The following CTNNA2 variants were observed in gnomAD, a reference collection of about 807,000 sequenced individuals.
CTNNA2 encodes catenin alpha-2.
In CTNNA2, 42 loss-of-function variants were observed where a neutral mutation model predicts 101.0. That is an observed-to-expected ratio of 0.42 (90% confidence interval 0.32 to 0.54). The LOEUF (loss-of-function observed/expected upper bound fraction) is 0.54, where lower values mean the gene tolerates loss of function less well. CTNNA2 is among the 20% of genes least tolerant of loss of function. The pLI is 0.14. For synonymous variants in CTNNA2, 450 were observed against 456.4 expected (o/e 0.99, Z 0.18); for missense variants, 871 against 1,223.1 (o/e 0.71, Z 4.29).
chr2:79,751,140 C>T (rs541735909), intron 3 of CTNNA2, among the ~76,000 whole-genome samples: 3 of 152,058 alleles, frequency 2.0e-5, no homozygotes, highest in South Asian at 2.1e-4. Context: ...TAAAAATTTT[C>T]GAAGACCAGT....
intron 4 of CTNNA2, among the ~76,000 whole-genome samples, chr2:79,436,584 G>A (rs72919189): frequency 0.034 from 5,176 of 151,970 alleles, 287 homozygotes; most frequent in African/African-American, 0.12. Flanking sequence ...CTAATGTGTA[G>A]TCAGCTCTGG....
intron 4 of CTNNA2, among the ~76,000 whole-genome samples, chr2:79,489,646 G>A (rs1671190726): frequency 6.6e-6 from 1 of 152,142 alleles, no homozygotes; most frequent in African/African-American, 2.4e-5. Context: ...TCTACCCCAA[G>A]GAGGCAGACC....
intron 7 of CTNNA2, among the ~76,000 whole-genome samples, chr2:80,246,144 G>A (rs1358351979): frequency 6.6e-6 from 1 of 152,040 alleles, no homozygotes; most frequent in Non-Finnish European, 1.5e-5. Flanking sequence ...AGTAGATTGG[G>A]CACTCCTTCA....
In CTNNA2 at chr2:80,526,116, G is replaced by A. The variant is rs530724738; in HGVS notation, c.1291-18866G>A. On this transcript the variant is annotated intron_variant, in intron 9 of 18. Coordinates refer to ENST00000402739, the MANE Select transcript of CTNNA2 (RefSeq NM_001282597.3). Reference sequence around the variant, plus strand: ...TCTCTAGAATGTGCTTTGAAGTTAGGCCACTATAGTTCAAACCTGCATTTT... The same window carrying A: ...TCTCTAGAATGTGCTTTGAAGTTAGACCACTATAGTTCAAACCTGCATTTT... 2.1e-3 allele frequency among the ~76,000 whole-genome samples: 318 copies of A among 152,202 alleles called. 1 individual carries two copies. The highest frequency in any genetic ancestry group is 7.2e-3 in the African/African-American group (298 of 41,550).
At chr2:79,751,970 T>C (rs1035637117) in intron 3 of CTNNA2, among the ~76,000 whole-genome samples, 2 of 152,126 alleles carry the variant, frequency 1.3e-5, no homozygotes, top group African/African-American at 4.8e-5. Context: ...CTTTTTCAAC[T>C]TACTGAAGGG....
chr2:80,578,575 A>G (rs1695262888), intron 13 of CTNNA2, among the ~76,000 whole-genome samples: 1 of 152,216 alleles, frequency 6.6e-6, no homozygotes, highest in African/African-American at 2.4e-5. Flanking sequence ...CAAACTGCAC[A>G]TGCACAGAAC....
Position 80,051,305 on chromosome 2 carries a change from A to G in CTNNA2, c.1056+141508A>G, listed in dbSNP as rs552389584. On this transcript the variant is annotated intron_variant, in intron 7 of 18. Transcript: ENST00000402739. Reference sequence around the variant, plus strand: ...ACGTCATTCACATAATGGTGCATCCAATTCTTCTTTTCTGAATTCTGTTGT... The same window carrying G: ...ACGTCATTCACATAATGGTGCATCCGATTCTTCTTTTCTGAATTCTGTTGT... Among the ~76,000 whole-genome samples, 55 of 152,170 alleles carry G rather than the reference A, an allele frequency of 3.6e-4. 1 individual carries two copies. Among genetic ancestry groups the G allele is most frequent in the Non-Finnish European group, 7.4e-4 (50 of 68,016 alleles).
At chr2:79,405,101 A>G (rs1469472456) in intron 4 of CTNNA2, among the ~76,000 whole-genome samples, 4 of 152,052 alleles carry the variant, frequency 2.6e-5, no homozygotes, top group Non-Finnish European at 5.9e-5. Flanking sequence ...ACTTTAATCA[A>G]AAGGGAAATT....
chr2:80,359,712 C>A (rs994536943), intron 7 of CTNNA2, among the ~76,000 whole-genome samples: 1 of 152,140 alleles, frequency 6.6e-6, no homozygotes, highest in Admixed American at 6.6e-5. Context: ...TAAACCTCTT[C>A]TCTTTATAAG....
chr2:80,389,398 C>T (rs577478290), intron 7 of CTNNA2, among the ~76,000 whole-genome samples: 1 of 152,184 alleles, frequency 6.6e-6, no homozygotes, highest in South Asian at 2.1e-4. Context: ...TACTAGGAGG[C>T]AAGTCTCCGC....
intron 4 of CTNNA2, among the ~76,000 whole-genome samples, chr2:79,489,852 G>C (rs561694227): frequency 6.6e-6 from 1 of 152,246 alleles, no homozygotes; most frequent in East Asian, 1.9e-4. Flanking sequence ...CCCAGAGTGG[G>C]AATATGTGGA....
chr2:79,961,004 C>T (rs868749578), intron 7 of CTNNA2, among the ~76,000 whole-genome samples: 4 of 152,104 alleles, frequency 2.6e-5, no homozygotes, highest in African/African-American at 9.7e-5. Flanking sequence ...AAAATCAACA[C>T]CATGCCTTTT....
At chr2:79,740,943 T>C (rs1382091095) in intron 2 of CTNNA2, among the ~76,000 whole-genome samples, 2 of 152,056 alleles carry the variant, frequency 1.3e-5, no homozygotes, top group Admixed American at 6.6e-5. Context: ...GGTGTAAATA[T>C]AGGCATAGCT....
chr2:79,861,559 T>C (rs1187609421), intron 4 of CTNNA2, among the ~76,000 whole-genome samples: 1 of 152,192 alleles, frequency 6.6e-6, no homozygotes, highest in African/African-American at 2.4e-5. Flanking sequence ...GTTTAGGAAC[T>C]TAAATTTATA....
At chr2:79,905,992 T>A (rs1574278743) in intron 6 of CTNNA2, among the ~76,000 whole-genome samples, 1 of 152,122 alleles carries the variant, frequency 6.6e-6, no homozygotes, top group African/African-American at 2.4e-5. Context: ...TTCATTTCTG[T>A]TTTTTCCTTA....
rs183570669 is a variant in CTNNA2 at position 80,126,980 on chromosome 2, C to T, written c.1056+217183C>T. Among the ~76,000 whole-genome samples the T allele has an allele frequency of 2.9e-3, 437 of 152,234 alleles. 3 individuals are homozygous for T. The highest frequency in any genetic ancestry group is 0.01 in the African/African-American group (422 of 41,540). Reference sequence around the variant, plus strand: ...TCCTTCAGCTCTTCTCCTTTAAATACGGCTCTTAGTCACAAGTGTGGGTTG... The same window carrying T: ...TCCTTCAGCTCTTCTCCTTTAAATATGGCTCTTAGTCACAAGTGTGGGTTG... On this transcript the variant is annotated intron_variant, in intron 7 of 18. Transcript: ENST00000402739.
In CTNNA2 at chr2:79,227,355, C is replaced by T. The variant is rs535532206; in HGVS notation, c.-406+29279C>T. 4.6e-5 allele frequency among the ~76,000 whole-genome samples: 7 copies of T among 152,226 alleles called. No individual in the cohort carries two copies. The South Asian group carries it at 1.5e-3, about 32-fold the overall frequency. On this transcript the variant is annotated intron_variant, in intron 2 of 21. Coordinates refer to the CTNNA2 transcript ENST00000466387. ...TCATTTGATGTCTGTGGAGAATTGG[C>T]AAGCCTTCTAATTTTTGGAACATGT... is the stretch of plus-strand genomic sequence containing the variant.
rs570215569 is a variant in CTNNA2 at position 80,296,257 on chromosome 2, G to A, written c.1057-96954G>A. On this transcript the variant is annotated intron_variant, in intron 7 of 18. Coordinates refer to ENST00000402739, the MANE Select transcript of CTNNA2 (RefSeq NM_001282597.3). The stretch of plus-strand genomic sequence containing the variant: ...TCACATACATTACAGTTTTGGTTGG[G>A]GAAGAAGAAGGCACAGGCTGGTGGG... Among the ~76,000 whole-genome samples, 13 of 152,216 alleles carry A rather than the reference G, an allele frequency of 8.5e-5. No individual in the cohort carries two copies. In the South Asian group the frequency reaches 2.7e-3, roughly 32 times the overall value.
chr2:79,680,699 G>T (rs958318167), intron 2 of CTNNA2, among the ~76,000 whole-genome samples: 3 of 152,134 alleles, frequency 2.0e-5, no homozygotes, highest in Non-Finnish European at 2.9e-5. Context: ...CTTACTCTTA[G>T]GGCATTCTTG....
Sources: gnomAD v4.1 joint callset for allele counts (sites outside exome capture counted in the v4.1 genomes callset) on GRCh38, gnomAD v4.1.1 for gene constraint, MANE v1.5 for transcripts, NCBI Gene and HGNC (gene_info 2026-07-23, HGNC 2026-07-21) for gene names.